The following IDH1 variants were observed in gnomAD, a reference collection of about 807,000 sequenced individuals.
IDH1 encodes the protein isocitrate dehydrogenase (NADP(+)) 1, also known as isocitrate dehydrogenase [NADP] cytoplasmic.
Under a neutral mutation model 46.1 loss-of-function variants are expected in IDH1, and 33 were observed. That is an observed-to-expected ratio of 0.72 (90% CI 0.54 to 0.96). IDH1 has a LOEUF of 0.96. IDH1 is among the 40% of genes least tolerant of loss of function. IDH1 has a pLI of 0.00. For synonymous variants in IDH1, 144 were observed against 172.8 expected (o/e 0.83, Z 1.31); for missense variants, 421 against 515.7 (o/e 0.82, Z 1.78).
At chr2:208,246,254 A>C (rs886212160) in intron 4 of IDH1, among the ~76,000 whole-genome samples, 2 of 152,186 alleles carry the variant, frequency 1.3e-5, no homozygotes, top group Admixed American at 1.3e-4. Context: ...CTAGACATCC[A>C]TAAGTCTTTG....
At chr2:208,250,201 G>A (rs1688096629) in intron 3 of IDH1, among the ~76,000 whole-genome samples, 1 of 151,916 alleles carries the variant, frequency 6.6e-6, no homozygotes, top group Non-Finnish European at 1.5e-5. Flanking sequence ...CCACACTAAA[G>A]AGGCTCAAAG....
chr2:208,252,681 G>A (rs1353265845), intron 2 of IDH1, among the ~76,000 whole-genome samples: 1 of 152,170 alleles, frequency 6.6e-6, no homozygotes, highest in Non-Finnish European at 1.5e-5. Flanking sequence ...GCCTAAAATA[G>A]TCTTTCTTGA....
intron 4 of IDH1, chr2:208,248,117 G>A: frequency 1.8e-6 from 1 of 542,594 alleles, no homozygotes; most frequent in East Asian, 3.2e-5. Context: ...CTGAATAAAA[G>A]GATAAAGGAA....
At chr2:208,240,594 T>C (rs16840791) in intron 7 of IDH1, among the ~76,000 whole-genome samples, 4,486 of 152,244 alleles carry the variant, frequency 0.029, 69 homozygotes, top group African/African-American at 0.038. Flanking sequence ...ACAGGATCGG[T>C]TGGATCTAAG....
Position 208,248,609 on chromosome 2 carries a change from C to T in IDH1, c.174G>A (p.Lys58=), listed in dbSNP as rs2124863830. Residue 58 remains lysine, a synonymous_variant, in exon 4 of 10, where the codon AAG becomes AAA. Coordinates refer to ENST00000345146, the MANE Select transcript of IDH1 (RefSeq NM_005896.4). The part of the protein sequence containing the change: ...NRDATNDQVT[K]DAAEAIKKHN... ...GCTTCTTTATAGCTTCTGCAGCATC[C>T]TTGGTGACTTGGTCGTTGGTGGCAT... 1.2e-6 allele frequency: 2 copies of T among 1,614,140 alleles called. No individual in the cohort carries two copies. The highest frequency in any genetic ancestry group is 1.7e-5 in the Admixed American group (1 of 60,030).
At chr2:208,253,198 G>A (rs115216870) in intron 2 of IDH1, among the ~76,000 whole-genome samples, 1 of 152,198 alleles carries the variant, frequency 6.6e-6, no homozygotes, top group Non-Finnish European at 1.5e-5. Context: ...TATCTTTTTA[G>A]TTCACTATTT....
chr2:208,245,208 G>T, intron 5 of IDH1, 111 bp downstream of exon 5: 1 of 699,746 alleles, frequency 1.4e-6, no homozygotes. Context: ...AAACACTGTA[G>T]ATTCAGATTA....
At chr2:208,240,995 A>G (rs1194455761) in intron 7 of IDH1, among the ~76,000 whole-genome samples, 1 of 152,240 alleles carries the variant, frequency 6.6e-6, no homozygotes, top group African/African-American at 2.4e-5. Context: ...TGGGAAAAAC[A>G]AACATAATTA....
chr2:208,249,172 A>G (rs1174334586), intron 3 of IDH1, among the ~76,000 whole-genome samples: 1 of 151,336 alleles, frequency 6.6e-6, no homozygotes, highest in Non-Finnish European at 1.5e-5. Flanking sequence ...AATGCCAGTT[A>G]GTCATAAAAT....
At chr2:208,246,328 C>T (rs1453162346) in intron 4 of IDH1, among the ~76,000 whole-genome samples, 2 of 152,046 alleles carry the variant, frequency 1.3e-5, no homozygotes, top group Non-Finnish European at 2.9e-5. Context: ...CAGCAGGTGC[C>T]GGCCACATCT....
At chr2:208,253,590 T>C (rs2124870869) in intron 2 of IDH1, among the ~76,000 whole-genome samples, 1 of 152,304 alleles carries the variant, frequency 6.6e-6, no homozygotes, top group South Asian at 2.1e-4. Flanking sequence ...GGAATAACAA[T>C]ACAGAGTAGT....
intron 8 of IDH1, 118 bp from the exon 9 acceptor site, chr2:208,239,351 TACTAACCACA>T: frequency 2.0e-6 from 2 of 981,840 alleles, no homozygotes; most frequent in Non-Finnish European, 3.2e-6. Flanking sequence ...CTTCTTTAGA[TACTAACCACA>T]TGGGCTAGAA....
intron 7 of IDH1, among the ~76,000 whole-genome samples, chr2:208,241,055 G>A: frequency 6.6e-6 from 1 of 152,126 alleles, no homozygotes; most frequent in Middle Eastern, 3.2e-3. Context: ...CAGCTACCAA[G>A]GGCAACTGAA....
intron 4 of IDH1, 169 bp downstream of exon 4, chr2:208,248,200 A>C: frequency 1.6e-6 from 1 of 634,096 alleles, no homozygotes; most frequent in Non-Finnish European, 2.8e-6. Context: ...ATTTGCCTTT[A>C]GCTAAATGTG....
At chr2:208,245,546 CTTTTTT>C in intron 4 of IDH1, 122 bp from the exon 5 acceptor site, 4 of 336,648 alleles carry the variant, frequency 1.2e-5, no homozygotes, top group East Asian at 6.5e-5. Flanking sequence ...TGTCAAACTT[CTTTTTT>C]TTTTTTTTTT....
chr2:208,244,502 C>T (rs1438922730), intron 5 of IDH1, among the ~76,000 whole-genome samples: 1 of 152,222 alleles, frequency 6.6e-6, no homozygotes, highest in East Asian at 1.9e-4. Context: ...AGCACTCCTA[C>T]TGTAGTTGGT....
rs1465733605 is a variant in IDH1, at chr2:208,248,583, T to C, written c.200A>G (p.His67Arg). The C allele has an allele frequency of 1.2e-6, 2 of 1,614,192 alleles. No homozygotes were observed. Among genetic ancestry groups the C allele is most frequent in the Admixed American group, 3.3e-5 (2 of 60,032 alleles). ...AGTGGCACATTTGACGCCAACATTA[T>C]GCTTCTTTATAGCTTCTGCAGCATC... ...TKDAAEAIKK[H>R]NVGVKCATIT... is the part of the protein sequence containing the mutation. Residue 67 changes from histidine (H) to arginine (R), a missense_variant, in exon 4 of 10, where the codon CAT (histidine) becomes CGT (arginine). His to Arg is a conservative substitution (Grantham distance 29, BLOSUM62 0). Coordinates refer to ENST00000345146, the MANE Select transcript of IDH1 (RefSeq NM_005896.4).
chr2:208,242,846 C>G (rs1414745375), intron 6 of IDH1, among the ~76,000 whole-genome samples: 4 of 151,494 alleles, frequency 2.6e-5, no homozygotes, highest in South Asian at 4.2e-4. Flanking sequence ...CTCACTGCAA[C>G]CTCCGCCTCC....
chr2:208,241,962 C>T (rs1687926984), intron 7 of IDH1, 32 bp downstream of exon 7: 2 of 1,609,540 alleles, frequency 1.2e-6, no homozygotes, highest in African/African-American at 2.7e-5. Context: ...TGGAATGACC[C>T]TGTTCCTACA....
Sources: gnomAD v4.1 joint callset for allele counts (sites outside exome capture counted in the v4.1 genomes callset) on GRCh38, gnomAD v4.1.1 for gene constraint, MANE v1.5 for transcripts, NCBI Gene and HGNC (gene_info 2026-07-23, HGNC 2026-07-21) for gene names.